RBFOX1: variants seen among roughly 807,000 people sequenced by gnomAD.
RBFOX1 encodes RNA binding protein fox-1 homolog 1.
A neutral mutation model predicts 57.7 loss-of-function variants in RBFOX1; 8 were observed. The observed-to-expected ratio is 0.14, with a 90% confidence interval of 0.08 to 0.25. RBFOX1 has a LOEUF of 0.25. Among genes scored for constraint, RBFOX1 ranks in the 10% least tolerant of loss-of-function variants. The pLI is 1.00. For missense variants in RBFOX1, 611 were observed against 548.5 expected (o/e 1.11, Z -1.14); for synonymous variants, 326 against 222.4 (o/e 1.47, Z -4.15).
chr16:5,757,455 C>G (rs1337681783), intron 3 of RBFOX1, among the ~76,000 whole-genome samples: 2 of 152,058 alleles, frequency 1.3e-5, no homozygotes, highest in African/African-American at 2.4e-5. Flanking sequence ...TGGTCTCGAT[C>G]TCTTGACCTT....
At chr16:7,120,844 C>CACACACACACAT (rs1567337109) in intron 4 of RBFOX1, among the ~76,000 whole-genome samples, 3 of 150,052 alleles carry the variant, frequency 2.0e-5, no homozygotes, top group Non-Finnish European at 4.5e-5. Context: ...CACACACACA[C>CACACACACACAT]ACACACACAC....
intron 4 of RBFOX1, among the ~76,000 whole-genome samples, chr16:7,296,960 A>C (rs2095905843): frequency 6.6e-6 from 1 of 152,218 alleles, no homozygotes; most frequent in South Asian, 2.1e-4. Context: ...GTAAATGCAG[A>C]CATCCTGCTT....
chr16:6,797,167 T>C (rs777037872), intron 3 of RBFOX1, among the ~76,000 whole-genome samples: 2 of 152,180 alleles, frequency 1.3e-5, no homozygotes, highest in Non-Finnish European at 2.9e-5. Flanking sequence ...AGCAGCAGAA[T>C]TTGTTAGCAA....
At chr16:5,912,230 A>C (rs1378215153) in intron 4 of RBFOX1, among the ~76,000 whole-genome samples, 1 of 152,112 alleles carries the variant, frequency 6.6e-6, no homozygotes, top group Non-Finnish European at 1.5e-5. Context: ...TGCTGAGGTT[A>C]CCTCTTAGGC....
chr16:7,051,260 A>G (rs11862913), intron 3 of RBFOX1, among the ~76,000 whole-genome samples: 1,634 of 152,200 alleles, frequency 0.011, 34 homozygotes, highest in African/African-American at 0.038. Flanking sequence ...AATTCCTTCT[A>G]TGTGTTCCTT....
intron 3 of RBFOX1, among the ~76,000 whole-genome samples, chr16:6,744,587 A>C (rs574498425): frequency 1.3e-5 from 2 of 152,238 alleles, no homozygotes; most frequent in Admixed American, 1.3e-4. Flanking sequence ...CACTTTAATA[A>C]ATAACCTGTG....
intron 4 of RBFOX1, among the ~76,000 whole-genome samples, chr16:7,354,522 G>T (rs1568374481): frequency 6.6e-6 from 1 of 151,490 alleles, no homozygotes; most frequent in East Asian, 1.9e-4. Flanking sequence ...AATGAGCTTG[G>T]AAAAAAAACT....
At chr16:7,028,921 G>A (rs1428979434) in intron 3 of RBFOX1, among the ~76,000 whole-genome samples, 3 of 150,622 alleles carry the variant, frequency 2.0e-5, no homozygotes, top group Non-Finnish European at 4.4e-5. Flanking sequence ...AAGTTTGCAA[G>A]CATCTATGAA....
intron 2 of RBFOX1, among the ~76,000 whole-genome samples, chr16:6,574,397 T>C (rs1397871378): frequency 6.7e-6 from 1 of 150,188 alleles, no homozygotes; most frequent in Non-Finnish European, 1.5e-5. Context: ...GAACTCGGTG[T>C]AGCAAGGGTT....
At position 6,363,201 on chromosome 16, in the gene RBFOX1, T is replaced by A. The variant is rs928760321; in HGVS notation, c.-64+46144T>A. On this transcript the variant is annotated intron_variant, in intron 2 of 15. Transcript: ENST00000550418. ...GAAAATATAGAAACTGTCAACTTCA[T>A]CCTAATTTTGAAGACTTTTTTTCTA... 4.6e-5 allele frequency among the ~76,000 whole-genome samples: 7 copies of A among 152,216 alleles called. No individual in the cohort carries two copies. In the East Asian group the frequency reaches 1.3e-3, roughly 29 times the overall value.
At chr16:6,133,103 A>T (rs1294032203) in intron 1 of RBFOX1, among the ~76,000 whole-genome samples, 2 of 152,092 alleles carry the variant, frequency 1.3e-5, no homozygotes, top group Non-Finnish European at 2.9e-5. Flanking sequence ...GTCATTTTAA[A>T]AATGTCTTCT....
At chr16:6,755,024 G>A (rs1355643440) in intron 3 of RBFOX1, among the ~76,000 whole-genome samples, 1 of 152,282 alleles carries the variant, frequency 6.6e-6, no homozygotes, top group Admixed American at 6.5e-5. Flanking sequence ...TCCCTACAAA[G>A]GGCATGAACT....
rs541063114 is a variant in RBFOX1 at position 7,364,124 on chromosome 16, C to A, written c.28-154023C>A. ...TTTAAAGATTAGGAATCCATCTCTC[C>A]CTGTCTGTTGGTAATCGTGGGGTGC... On this transcript the variant is annotated intron_variant, in intron 4 of 15. Transcript: ENST00000550418. Among the ~76,000 whole-genome samples the A allele has an allele frequency of 3.3e-5, 5 of 152,264 alleles. No homozygotes were observed. In the East Asian group the frequency reaches 9.7e-4, roughly 29 times the overall value.
At chr16:7,706,525 G>A (rs913947198) in intron 14 of RBFOX1, among the ~76,000 whole-genome samples, 1 of 152,164 alleles carries the variant, frequency 6.6e-6, no homozygotes, top group Non-Finnish European at 1.5e-5. Flanking sequence ...TGCCCATATA[G>A]TGTCTCCCCA....
chr16:6,922,939 G>C (rs1431033875), intron 3 of RBFOX1, among the ~76,000 whole-genome samples: 1 of 152,116 alleles, frequency 6.6e-6, no homozygotes, highest in Non-Finnish European at 1.5e-5. Context: ...TTTTGATAAT[G>C]ACCAACCAGA....
At chr16:6,865,743 C>T (rs2059802980) in intron 3 of RBFOX1, among the ~76,000 whole-genome samples, 1 of 152,146 alleles carries the variant, frequency 6.6e-6, no homozygotes, top group Non-Finnish European at 1.5e-5. Flanking sequence ...TCACCTTTCA[C>T]AAATAGGTTT....
intron 2 of RBFOX1, among the ~76,000 whole-genome samples, chr16:6,413,012 C>G (rs2093510543): frequency 6.6e-6 from 1 of 152,132 alleles, no homozygotes; most frequent in Non-Finnish European, 1.5e-5. Flanking sequence ...CAACACCAGG[C>G]TCAGCTATTT....
intron 2 of RBFOX1, among the ~76,000 whole-genome samples, chr16:6,440,352 G>T (rs1329109735): frequency 6.6e-6 from 1 of 152,166 alleles, no homozygotes; most frequent in Non-Finnish European, 1.5e-5. Context: ...GATGGAGAGA[G>T]TAGTACTCAT....
At chr16:7,243,487 C>G (rs111787141) in intron 4 of RBFOX1, among the ~76,000 whole-genome samples, 4 of 152,252 alleles carry the variant, frequency 2.6e-5, no homozygotes, top group African/African-American at 9.6e-5. Flanking sequence ...AAAAAATTCA[C>G]ATATGTTGTG....
Sources: allele counts gnomAD v4.1 joint callset (sites outside exome capture counted in the v4.1 genomes callset), GRCh38; gene constraint gnomAD v4.1.1; transcripts MANE v1.5; gene names NCBI Gene and HGNC (gene_info 2026-07-23, HGNC 2026-07-21).